HEXA: variants seen among roughly 807,000 people sequenced by gnomAD.
HEXA encodes the protein hexosaminidase subunit alpha, also known as beta-hexosaminidase subunit alpha.
In HEXA, 54 loss-of-function variants were observed where a neutral mutation model predicts 73.3. That is an observed-to-expected ratio of 0.74 (90% CI 0.59 to 0.92). The LOEUF (loss-of-function observed/expected upper bound fraction) is 0.92. HEXA is among the 40% of genes least tolerant of loss of function. The pLI is 0.00. For missense variants in HEXA, 649 were observed against 653.0 expected, an observed-to-expected ratio of 0.99 and a Z score of 0.07; for synonymous variants, 230 against 246.9, an observed-to-expected ratio of 0.93 and a Z score of 0.64.
At chr15:72,361,284 G>C (rs1445611679) in intron 1 of HEXA, among the ~76,000 whole-genome samples, 1 of 152,244 alleles carries the variant, frequency 6.6e-6, no homozygotes, top group Admixed American at 6.5e-5. Context: ...TAGCTTAGGG[G>C]ACATTGCTCT....
Position 72,350,628 on chromosome 15 carries a change from T to C in HEXA, c.695A>G (p.His232Arg). ...MRKGSYNPVTHIYTAQDVKEV... is the reference protein window; with the variant it reads ...MRKGSYNPVTRIYTAQDVKEV... Reference sequence around the variant, plus strand: ...CTTCACATCCTGTGCTGTGTAGATGTGGGTGACAGGGTTGTAGGACCCCTG... The same window carrying C: ...CTTCACATCCTGTGCTGTGTAGATGCGGGTGACAGGGTTGTAGGACCCCTG... Residue 232 changes from histidine to arginine, a missense_variant, in exon 7 of 14, where the codon CAC becomes CGC. Coordinates refer to ENST00000268097, the MANE Select transcript of HEXA (RefSeq NM_000520.6). The C allele has an allele frequency of 6.2e-7, 1 of 1,614,158 alleles. No individual in the cohort carries two copies. Among genetic ancestry groups the C allele is most frequent in the Non-Finnish European group, 8.5e-7 (1 of 1,180,032 alleles).
chr15:72,347,646 G>T, intron 10 of HEXA, 40 bp downstream of exon 10: 1 of 1,501,692 alleles, frequency 6.7e-7, no homozygotes, highest in Non-Finnish European at 9.3e-7. Context: ...CCAGAGGGAG[G>T]CACTGCTGGT....
At chr15:72,355,985 G>A (rs2088773276) in intron 2 of HEXA, 1 of 471,276 alleles carries the variant, frequency 2.1e-6, no homozygotes. Flanking sequence ...GCCTGCAGGG[G>A]TGAGTGCAGC....
Position 72,356,542 on chromosome 15 carries a change from A to G in HEXA, c.329T>C (p.Leu110Ser). 1 of 1,614,146 alleles carries G rather than the reference A, an allele frequency of 6.2e-7. No individual in the cohort carries two copies. The highest frequency in any genetic ancestry group is 8.5e-7 in the Non-Finnish European group (1 of 1,179,996). Residue 110 changes from leucine (L) to serine (S), a missense_variant, in exon 2 of 14, where the codon TTG becomes TCG. Coordinates refer to ENST00000268097, the MANE Select transcript of HEXA (RefSeq NM_000520.6). Reference protein sequence around the residue: ...VTPGCNQLPTLESVENYTLTI... With the variant: ...VTPGCNQLPTSESVENYTLTI... ...GTACTTACAATTCTCCACTGACTCCAAAGTAGGAAGCTGGTTACATCCAGG... is the reference window on the plus strand; with the variant it reads ...GTACTTACAATTCTCCACTGACTCCGAAGTAGGAAGCTGGTTACATCCAGG...
At chr15:72,369,532 TTTTG>T (rs573023919) in intron 1 of HEXA, among the ~76,000 whole-genome samples, 22 of 152,260 alleles carry the variant, frequency 1.4e-4, no homozygotes, top group Middle Eastern at 6.8e-3. Flanking sequence ...GTTTCTAGGT[TTTTG>T]TTTGTTTGTT....
chr15:72,341,595 CT>C lies in HEXA; in HGVS notation c.*2481del, dbSNP rs2088555583. 1 of 152,238 alleles carries C rather than the reference CT, an allele frequency of 6.6e-6. No individual in the cohort carries two copies. The highest frequency in any genetic ancestry group is 1.5e-5 in the Non-Finnish European group (1 of 68,074). The allele number at this position is 152,238 out of a possible 1,614,324, so 9.4% of individuals were successfully genotyped here. ...GTCAGTCTGGAAACTTCCCCACCCC[CT>C]GGTGGTGCACAGCACACAAGATGGC... On this transcript the variant is annotated 3_prime_UTR_variant, in exon 14 of 14. Transcript: ENST00000268097.
At chr15:72,371,546 A>C (rs2088992063) in intron 1 of HEXA, among the ~76,000 whole-genome samples, 1 of 148,976 alleles carries the variant, frequency 6.7e-6, no homozygotes. Flanking sequence ...TGTTTGTGCC[A>C]CTGCACTCCA....
chr15:72,375,053 T>C (rs1277955311), intron 1 of HEXA, among the ~76,000 whole-genome samples: 2 of 149,470 alleles, frequency 1.3e-5, no homozygotes, highest in East Asian at 2.0e-4. Flanking sequence ...TCTTTCACAA[T>C]TTACACTTTT....
chr15:72,374,782 C>T (rs930505004), intron 1 of HEXA, among the ~76,000 whole-genome samples: 1 of 152,190 alleles, frequency 6.6e-6, no homozygotes, highest in Non-Finnish European at 1.5e-5. Context: ...CTGTTAGCCC[C>T]TTCCATTTTA....
At chr15:72,353,789 T>C in intron 3 of HEXA, 52 bp from the exon 4 acceptor site, 1 of 1,280,340 alleles carries the variant, frequency 7.8e-7, no homozygotes, top group Non-Finnish European at 1.1e-6. Flanking sequence ...GAAAAAGAGA[T>C]GTCTCTATTT....
In HEXA at chr15:72,341,284, G is replaced by C. The variant is rs1213326893; in HGVS notation, c.*2793C>G. ...CATCACTAGTGCTGTGGTGGCACCT[G>C]TGCTCCCACATCCTGATATCCTACC... On this transcript the variant is annotated 3_prime_UTR_variant, in exon 14 of 14. Coordinates refer to ENST00000268097, the MANE Select transcript of HEXA (RefSeq NM_000520.6). 1 of 152,082 alleles carries C rather than the reference G, an allele frequency of 6.6e-6. No homozygotes were observed. Among genetic ancestry groups the C allele is most frequent in the Non-Finnish European group, 1.5e-5 (1 of 68,032 alleles). The allele number at this position is 152,082 out of a possible 1,614,324, so 9.4% of individuals were successfully genotyped here.
intron 11 of HEXA, 76 bp from the exon 12 acceptor site, chr15:72,346,401 T>A: frequency 6.7e-7 from 1 of 1,486,718 alleles, no homozygotes; most frequent in African/African-American, 1.4e-5. Context: ...CTTCCCAATG[T>A]GGCCCTCACC....
At chr15:72,356,294 G>C (rs2088777878) in intron 2 of HEXA, among the ~76,000 whole-genome samples, 1 of 152,182 alleles carries the variant, frequency 6.6e-6, no homozygotes, top group African/African-American at 2.4e-5. Flanking sequence ...TAGAAGTCCT[G>C]TGGGACTCAG....
intron 1 of HEXA, among the ~76,000 whole-genome samples, chr15:72,363,530 G>A (rs1428605009): frequency 6.6e-6 from 1 of 152,216 alleles, no homozygotes; most frequent in Non-Finnish European, 1.5e-5. Flanking sequence ...TCTTATCCCA[G>A]TAAAGTGGGA....
intron 7 of HEXA, 29 bp downstream of exon 7, chr15:72,350,489 G>A: frequency 6.2e-7 from 1 of 1,612,594 alleles, no homozygotes; most frequent in East Asian, 2.2e-5. Flanking sequence ...AACAAGCAGA[G>A]TCCCTCTGGT....
chr15:72,352,462 A>G (rs1471300996), intron 5 of HEXA, among the ~76,000 whole-genome samples: 1 of 151,920 alleles, frequency 6.6e-6, no homozygotes, highest in Non-Finnish European at 1.5e-5. Flanking sequence ...AAAAAAAAAA[A>G]AAATTGAGAC....
In HEXA at chr15:72,341,387, G is replaced by A. The variant is rs992151559; in HGVS notation, c.*2690C>T. On this transcript the variant is annotated 3_prime_UTR_variant, in exon 14 of 14. Transcript: ENST00000268097. Reference sequence around the variant, plus strand: ...TAGATTCCTCGAAGGGAAGGTACCTGGCATGCAGCCTCAGCTCCTACCAAG... The same window carrying A: ...TAGATTCCTCGAAGGGAAGGTACCTAGCATGCAGCCTCAGCTCCTACCAAG... The A allele has an allele frequency of 4.6e-5, 7 of 152,178 alleles. No homozygotes were observed. The highest frequency in any genetic ancestry group is 1.7e-4 in the African/African-American group (7 of 41,414). The allele number at this position is 152,178 out of a possible 1,614,324, so 9.4% of individuals were successfully genotyped here. A position where few individuals can be genotyped will look rare whatever the true frequency, so the allele number is the denominator to read the frequency against.
chr15:72,370,047 A>C (rs2088968619), intron 1 of HEXA: 2 of 150,930 alleles, frequency 1.3e-5, no homozygotes, highest in Non-Finnish European at 2.9e-5. Flanking sequence ...AAAAACATTC[A>C]TAACTATTTT....
intron 2 of HEXA, 117 bp downstream of exon 2, chr15:72,356,408 T>C: frequency 9.3e-7 from 1 of 1,072,684 alleles, no homozygotes; most frequent in Non-Finnish European, 1.4e-6. Flanking sequence ...TGACCCTCGG[T>C]CCCCAGGGTC....
Sources: allele counts gnomAD v4.1 joint callset (sites outside exome capture counted in the v4.1 genomes callset), GRCh38; gene constraint gnomAD v4.1.1; transcripts MANE v1.5; gene names NCBI Gene and HGNC (gene_info 2026-07-23, HGNC 2026-07-21).